PAK3: variants seen among roughly 807,000 people sequenced by gnomAD.
The protein encoded by PAK3 is p21 (RAC1) activated kinase 3, also known as serine/threonine-protein kinase PAK 3.
In PAK3, 4 loss-of-function variants were observed where a neutral mutation model predicts 41.0. The observed-to-expected ratio is 0.10, with a 90% CI of 0.05 to 0.22. The LOEUF (loss-of-function observed/expected upper bound fraction) is 0.22. PAK3 is among the 10% of genes least tolerant of loss of function. The probability of loss-of-function intolerance (pLI) is 1.00; values close to 1 mark genes in which losing one functional copy is unlikely to be tolerated. For missense variants in PAK3, 205 were observed against 409.9 expected (o/e 0.50, Z 4.32); for synonymous variants, 146 against 139.6 (o/e 1.05, Z -0.32).
intron 1 of PAK3, among the ~76,000 whole-genome samples, chrX:111,082,818 C>T (rs907144792): frequency 9.0e-6 from 1 of 111,033 alleles, no homozygotes; most frequent in Non-Finnish European, 1.9e-5. Context: ...TGATATTCTC[C>T]TGTATATTTT....
In PAK3 at chrX:111,225,301, A is replaced by G. The variant is rs945846757; in HGVS notation, c.*4854A>G. 2 of 112,223 alleles carry G rather than the reference A, an allele frequency of 1.8e-5. No homozygotes were observed. The highest frequency in any genetic ancestry group is 3.8e-5 in the Non-Finnish European group (2 of 53,303). 9.2% of individuals were successfully genotyped at this position (112,223 alleles called of 1,213,427 possible). A position where few individuals can be genotyped will look rare whatever the true frequency, so the allele number is the denominator to read the frequency against. On this transcript the variant is annotated 3_prime_UTR_variant, in exon 18 of 18. Coordinates refer to ENST00000372007, the MANE Select transcript of PAK3 (RefSeq NM_002578.5). ...GCATTGGGAATGTGTTTAATATTAAACAATGTCTAACTGAATCTGCAAATG... is the reference window on the plus strand; with the variant it reads ...GCATTGGGAATGTGTTTAATATTAAGCAATGTCTAACTGAATCTGCAAATG...
At chrX:111,167,317 C>G (rs930088318) in intron 10 of PAK3, among the ~76,000 whole-genome samples, 1 of 110,774 alleles carries the variant, frequency 9.0e-6, no homozygotes, top group Non-Finnish European at 1.9e-5. Flanking sequence ...AAAAGGGAAA[C>G]AGGCAGGCAG....
intron 8 of PAK3, among the ~76,000 whole-genome samples, chrX:111,160,157 A>AAAAAC (rs983978213): frequency 2.7e-5 from 3 of 112,012 alleles, no homozygotes; most frequent in Non-Finnish European, 3.8e-5. Context: ...ATAAATACAC[A>AAAAAC]AAAACAAAAC....
At chrX:111,073,986 G>T (rs1300995233) in intron 1 of PAK3, among the ~76,000 whole-genome samples, 1 of 111,710 alleles carries the variant, frequency 9.0e-6, no homozygotes, top group East Asian at 2.8e-4. Context: ...AAATTCAACA[G>T]CACATTAAAA....
chrX:111,064,962 G>T (rs183676758), intron 1 of PAK3, among the ~76,000 whole-genome samples: 1 of 112,208 alleles, frequency 8.9e-6, no homozygotes, highest in Non-Finnish European at 1.9e-5. Context: ...CTTTAAGGTT[G>T]TCTAGGTATA....
chrX:111,029,179 T>C (rs1390747556), intron 1 of PAK3, among the ~76,000 whole-genome samples: 2 of 111,702 alleles, frequency 1.8e-5, no homozygotes, highest in African/African-American at 6.5e-5. Context: ...TAACGGCCTC[T>C]ACCTTTGAGC....
intron 5 of PAK3, among the ~76,000 whole-genome samples, chrX:111,137,237 G>A (rs1371673927): frequency 2.7e-5 from 3 of 111,642 alleles, no homozygotes; most frequent in Non-Finnish European, 5.6e-5. Flanking sequence ...GAGAAAGTCT[G>A]CCTTCTCCAT....
chrX:111,051,131 A>G (rs1042431577), intron 1 of PAK3, among the ~76,000 whole-genome samples: 4 of 111,261 alleles, frequency 3.6e-5, no homozygotes, highest in African/African-American at 1.3e-4. Context: ...TCTGAACAAG[A>G]CAGAACAGTC....
intron 5 of PAK3, among the ~76,000 whole-genome samples, chrX:111,126,167 A>G (rs995603649): frequency 1.8e-5 from 2 of 111,794 alleles, no homozygotes; most frequent in Non-Finnish European, 3.8e-5. Flanking sequence ...ATACATCTTC[A>G]TCACCTCTGG....
chrX:111,114,131 G>A (rs1167763140), intron 4 of PAK3, among the ~76,000 whole-genome samples: 3 of 111,767 alleles, frequency 2.7e-5, no homozygotes, highest in South Asian at 7.5e-4. Context: ...TAATCCTTTG[G>A]GTATATACCC....
intron 11 of PAK3, among the ~76,000 whole-genome samples, chrX:111,183,499 C>G (rs2094480030): frequency 9.0e-6 from 1 of 111,424 alleles, no homozygotes; most frequent in African/African-American, 3.3e-5. Context: ...CTTCATTGAG[C>G]CTTTAGACCT....
chrX:111,048,476 T>C (rs1339576631), intron 1 of PAK3, among the ~76,000 whole-genome samples: 2 of 111,663 alleles, frequency 1.8e-5, no homozygotes, highest in Non-Finnish European at 1.9e-5. Flanking sequence ...AGGGGTCTAA[T>C]AGCATCTCAA....
chrX:111,008,728 G>A (rs1486292924), intron 1 of PAK3, among the ~76,000 whole-genome samples: 2 of 112,326 alleles, frequency 1.8e-5, no homozygotes, highest in African/African-American at 3.2e-5. Flanking sequence ...TACCTCTGGG[G>A]ATTGCTGCAA....
intron 6 of PAK3, among the ~76,000 whole-genome samples, chrX:111,147,199 T>C (rs990944762): frequency 1.8e-5 from 2 of 111,693 alleles, no homozygotes; most frequent in Non-Finnish European, 3.8e-5. Context: ...CCTGCCTTTA[T>C]AGTAAAGCGC....
At chrX:110,992,820 T>C (rs906124002) in intron 1 of PAK3, among the ~76,000 whole-genome samples, 5 of 111,646 alleles carry the variant, frequency 4.5e-5, no homozygotes, top group African/African-American at 1.6e-4. Context: ...GCAGTAGTCC[T>C]GGTTCTATCA....
intron 1 of PAK3, among the ~76,000 whole-genome samples, chrX:110,962,218 A>G (rs2090994088): frequency 8.9e-6 from 1 of 111,959 alleles, no homozygotes; most frequent in African/African-American, 3.3e-5. Flanking sequence ...CAGGAACCTC[A>G]AAGCAGTGTG....
intron 8 of PAK3, among the ~76,000 whole-genome samples, chrX:111,159,743 A>G (rs2094147849): frequency 8.9e-6 from 1 of 112,342 alleles, no homozygotes; most frequent in Non-Finnish European, 1.9e-5. Flanking sequence ...ATAATAGCCC[A>G]GTTGTTATGG....
At chrX:111,154,772 C>A (rs2094080613) in intron 8 of PAK3, among the ~76,000 whole-genome samples, 1 of 110,849 alleles carries the variant, frequency 9.0e-6, no homozygotes, top group South Asian at 3.8e-4. Context: ...ATGGAAAGGA[C>A]AAAAATGACA....
intron 1 of PAK3, among the ~76,000 whole-genome samples, chrX:110,959,054 T>C (rs182898815): frequency 1.1e-3 from 121 of 112,247 alleles, no homozygotes; most frequent in African/African-American, 3.7e-3. Context: ...ATGAGCAAGA[T>C]ACATAAGGCA....
Sources: allele counts gnomAD v4.1 joint callset (sites outside exome capture counted in the v4.1 genomes callset), GRCh38; gene constraint gnomAD v4.1.1; transcripts MANE v1.5; gene names NCBI Gene and HGNC (gene_info 2026-07-23, HGNC 2026-07-21).